GRIK2: variants seen among roughly 807,000 people sequenced by gnomAD.
GRIK2 encodes glutamate ionotropic receptor kainate type subunit 2, also known as glutamate receptor ionotropic, kainate 2.
GRIK2 carries 32 observed loss-of-function variants against 100.3 expected under a neutral mutation model. The observed-to-expected ratio is 0.32, with a 90% CI of 0.24 to 0.43. The LOEUF (loss-of-function observed/expected upper bound fraction) is 0.43. Ranked by LOEUF, GRIK2 falls within the 20% of genes least tolerant of loss-of-function variation. The pLI is 1.00. For missense variants in GRIK2, 843 were observed against 1,114.9 expected, an observed-to-expected ratio of 0.76 and a Z score of 3.47; for synonymous variants, 417 against 389.4, an observed-to-expected ratio of 1.07 and a Z score of -0.83.
At chr6:101,597,515 G>T (rs184499298) in intron 2 of GRIK2, among the ~76,000 whole-genome samples, 94 of 151,848 alleles carry the variant, frequency 6.2e-4, no homozygotes, top group African/African-American at 2.1e-3. Context: ...AGTTAATACT[G>T]AATCAGAATT....
chr6:101,826,649 A>C (rs541212208), intron 10 of GRIK2, among the ~76,000 whole-genome samples: 2 of 152,162 alleles, frequency 1.3e-5, no homozygotes, highest in South Asian at 2.1e-4. Flanking sequence ...CATTTGATTG[A>C]TTCAAACTTC....
intron 4 of GRIK2, among the ~76,000 whole-genome samples, chr6:101,635,947 T>C (rs1204198866): frequency 1.3e-5 from 2 of 152,132 alleles, no homozygotes; most frequent in African/African-American, 4.8e-5. Flanking sequence ...GTGTGGTGAT[T>C]CCTCAAGGAT....
At chr6:101,413,050 T>C (rs1013104356) in intron 2 of GRIK2, among the ~76,000 whole-genome samples, 1 of 152,058 alleles carries the variant, frequency 6.6e-6, no homozygotes, top group Non-Finnish European at 1.5e-5. Flanking sequence ...GCATTTAAAA[T>C]ACAAAACTAG....
At position 102,015,689 on chromosome 6, in the gene GRIK2, A is replaced by G. The variant is rs560350118; in HGVS notation, c.2086-19652A>G. Among the ~76,000 whole-genome samples, 6 of 152,288 alleles carry G rather than the reference A, an allele frequency of 3.9e-5. No individual in the cohort carries two copies. In the South Asian group the frequency reaches 6.2e-4, roughly 16 times the overall value. ...CTGCTACTGCTTCTGGCACATGCAA[A>G]TGAGTATGGATCCCACTGCCACTGC... On this transcript the variant is annotated intron_variant, in intron 14 of 16. Transcript: ENST00000369134.
At chr6:101,947,196 C>A (rs1207077590) in intron 14 of GRIK2, among the ~76,000 whole-genome samples, 2 of 152,030 alleles carry the variant, frequency 1.3e-5, no homozygotes, top group African/African-American at 2.4e-5. Flanking sequence ...TGATACAACA[C>A]CCTTTAGAGA....
chr6:101,711,728 A>G (rs1264440469), intron 7 of GRIK2, among the ~76,000 whole-genome samples: 4 of 151,834 alleles, frequency 2.6e-5, no homozygotes, highest in African/African-American at 9.7e-5. Flanking sequence ...ATAAATCAAG[A>G]TAGTAGAAAA....
intron 2 of GRIK2, among the ~76,000 whole-genome samples, chr6:101,528,180 C>G (rs141777568): frequency 1.3e-5 from 2 of 152,102 alleles, no homozygotes; most frequent in African/African-American, 4.8e-5. Context: ...TGGCACTAAG[C>G]AAGCATCTAG....
chr6:101,505,836 C>G (rs1773996855), intron 2 of GRIK2, among the ~76,000 whole-genome samples: 1 of 148,388 alleles, frequency 6.7e-6, no homozygotes, highest in Non-Finnish European at 1.5e-5. Context: ...AAAAATGGAG[C>G]AAAAGTAGTG....
At chr6:101,604,058 T>A (rs1370565464) in intron 2 of GRIK2, among the ~76,000 whole-genome samples, 1 of 151,730 alleles carries the variant, frequency 6.6e-6, no homozygotes, top group Non-Finnish European at 1.5e-5. Context: ...TTTGTCTTTA[T>A]AACTTTTCTG....
At chr6:101,713,803 T>C (rs1454868267) in intron 7 of GRIK2, among the ~76,000 whole-genome samples, 1 of 151,798 alleles carries the variant, frequency 6.6e-6, no homozygotes, top group East Asian at 1.9e-4. Context: ...TTTTTAAACA[T>C]ATCTCTATAC....
intron 9 of GRIK2, among the ~76,000 whole-genome samples, chr6:101,812,752 G>T (rs1781412010): frequency 6.6e-6 from 1 of 151,852 alleles, no homozygotes; most frequent in Admixed American, 6.6e-5. Flanking sequence ...CGTAATAAAC[G>T]ATCATCCATT....
chr6:101,737,169 C>G (rs1041662182), intron 7 of GRIK2, among the ~76,000 whole-genome samples: 1 of 152,166 alleles, frequency 6.6e-6, no homozygotes, highest in Non-Finnish European at 1.5e-5. Flanking sequence ...GAGTTCCAAA[C>G]TTTCCCACAT....
chr6:101,738,743 G>C (rs554704381), intron 7 of GRIK2, among the ~76,000 whole-genome samples: 7 of 152,280 alleles, frequency 4.6e-5, no homozygotes, highest in African/African-American at 1.2e-4. Context: ...TGGATGTTTA[G>C]TGACATCCCT....
At chr6:101,629,498 C>T (rs1483817031) in intron 4 of GRIK2, among the ~76,000 whole-genome samples, 1 of 152,032 alleles carries the variant, frequency 6.6e-6, no homozygotes, top group Non-Finnish European at 1.5e-5. Flanking sequence ...TATTGAGGGA[C>T]ATGTAATAAC....
rs1208493490 is a variant in GRIK2 at position 101,945,897 on chromosome 6, TTCTC to T, written c.2085+17267_2085+17270del. 9.0e-5 allele frequency among the ~76,000 whole-genome samples: 13 copies of T among 144,474 alleles called. No homozygotes were observed. The South Asian group carries it at 9.0e-4, about 10-fold the overall frequency. The allele number at this position is 144,474 out of a possible 152,430, so 94.8% of individuals were successfully genotyped here. ...CTAGAGCATTCTGGTAGATAATAGATTCTCTATCTACTGTTTTTTTTTTTTTTTC... is the reference window on the plus strand; with the variant it reads ...CTAGAGCATTCTGGTAGATAATAGATTATCTACTGTTTTTTTTTTTTTTTC... On this transcript the variant is annotated intron_variant, in intron 14 of 16. Coordinates refer to ENST00000369134, the MANE Select transcript of GRIK2 (RefSeq NM_021956.5).
At chr6:101,661,861 C>G (rs1229942931) in intron 4 of GRIK2, among the ~76,000 whole-genome samples, 2 of 152,090 alleles carry the variant, frequency 1.3e-5, no homozygotes, top group East Asian at 1.9e-4. Flanking sequence ...AAATGCAGTG[C>G]CTTCTGCATT....
At chr6:101,743,370 A>C (rs905011946) in intron 7 of GRIK2, among the ~76,000 whole-genome samples, 2 of 152,212 alleles carry the variant, frequency 1.3e-5, no homozygotes, top group Admixed American at 6.5e-5. Flanking sequence ...AGCAAGCCAG[A>C]TGGGTTAAGT....
intron 7 of GRIK2, among the ~76,000 whole-genome samples, chr6:101,782,629 T>A (rs1344523457): frequency 1.3e-5 from 2 of 152,206 alleles, no homozygotes; most frequent in African/African-American, 4.8e-5. Context: ...TTAGGTTGAT[T>A]CCATATTTTG....
At chr6:101,537,577 G>A (rs1024887335) in intron 2 of GRIK2, among the ~76,000 whole-genome samples, 2 of 151,514 alleles carry the variant, frequency 1.3e-5, no homozygotes, top group Admixed American at 6.6e-5. Flanking sequence ...TGGCCAGATG[G>A]GCATCTGTGC....
Sources: gnomAD v4.1 joint callset for allele counts (sites outside exome capture counted in the v4.1 genomes callset) on GRCh38, gnomAD v4.1.1 for gene constraint, MANE v1.5 for transcripts, NCBI Gene and HGNC (gene_info 2026-07-23, HGNC 2026-07-21) for gene names.